The following PLEKHF2 variants were observed in gnomAD, a reference collection of about 807,000 sequenced individuals.
PLEKHF2 encodes the protein pleckstrin homology domain-containing family F member 2.
In PLEKHF2, 4 loss-of-function variants were observed where a neutral mutation model predicts 14.7. The observed-to-expected ratio is 0.27, with a 90% CI of 0.13 to 0.62. The LOEUF is 0.62. PLEKHF2 is among the 20% of genes least tolerant of loss of function. The probability of loss-of-function intolerance (pLI) is 0.85; values close to 1 mark genes in which losing one functional copy is unlikely to be tolerated. For synonymous variants in PLEKHF2, 90 were observed against 103.5 expected (o/e 0.87, Z 0.79); for missense variants, 201 against 307.7 (o/e 0.65, Z 2.60).
intron 1 of PLEKHF2, among the ~76,000 whole-genome samples, chr8:95,136,261 T>G (rs563203871): frequency 6.6e-6 from 1 of 152,168 alleles, no homozygotes; most frequent in South Asian, 2.1e-4. Context: ...CATAGTTAAA[T>G]CTTCTTTGTA....
rs1448947563 is a variant in PLEKHF2, at chr8:95,154,570, C to T, written c.526C>T (p.Arg176Cys). ...ACCTGTTAATCGTCGCCACCATTGC[C>T]GCAAATGTGGTTTTGTTGTCTGTGG... ...FTPVNRRHHC[R>C]KCGFVVCGPC... Residue 176 changes from arginine to cysteine, a missense_variant, in exon 2 of 2, where the codon CGC becomes TGC. By Grantham distance (180) the Arg-to-Cys change is radical. Transcript: ENST00000315367. The surrounding 1 kb of genome is among the most constrained non-coding windows in gnomAD (Gnocchi z 5.6). 2.5e-6 allele frequency: 4 copies of T among 1,614,002 alleles called. No homozygotes were observed. The highest frequency in any genetic ancestry group is 1.6e-4 in the Middle Eastern group (1 of 6,084).
intron 1 of PLEKHF2, among the ~76,000 whole-genome samples, chr8:95,140,657 A>G (rs190499827): frequency 6.6e-6 from 1 of 152,254 alleles, no homozygotes; most frequent in African/African-American, 2.4e-5. Flanking sequence ...CAAACCCCAG[A>G]TAGTTTGAGC....
chr8:95,142,462 C>T (rs1051529218), intron 1 of PLEKHF2, among the ~76,000 whole-genome samples: 1 of 152,160 alleles, frequency 6.6e-6, no homozygotes, highest in Non-Finnish European at 1.5e-5. Flanking sequence ...ACCATGTTGT[C>T]CAGGCTGGTC....
chr8:95,141,484 C>T (rs1810438508), intron 1 of PLEKHF2, among the ~76,000 whole-genome samples: 1 of 151,982 alleles, frequency 6.6e-6, no homozygotes, highest in Non-Finnish European at 1.5e-5. Flanking sequence ...CCTTTTCCCA[C>T]TAAATAACTC....
At position 95,154,287 on chromosome 8, in the gene PLEKHF2, C is replaced by G; in HGVS notation, c.243C>G (p.Pro81=). The G allele has an allele frequency of 6.2e-7, 1 of 1,613,886 alleles. No individual in the cohort carries two copies. The highest frequency in any genetic ancestry group is 1.3e-5 in the African/African-American group (1 of 74,970). Residue 81 remains proline (P), a synonymous_variant, in exon 2 of 2, where the codon CCC becomes CCG. Coordinates refer to ENST00000315367, the MANE Select transcript of PLEKHF2 (RefSeq NM_024613.4). This position sits in a 1 kb window ranked among gnomAD's most constrained non-coding sequence, Gnocchi z 5.6. ...KKKYNKQHII[P]LENVTIDSIK... is the part of the protein sequence containing the mutation. The stretch of plus-strand genomic sequence containing the variant: ...AATATAACAAACAACATATTATTCC[C>G]CTGGAAAATGTCACTATTGATTCCA...
chr8:95,135,918 A>G (rs1810369645), intron 1 of PLEKHF2, among the ~76,000 whole-genome samples: 3 of 152,178 alleles, frequency 2.0e-5, no homozygotes, highest in Admixed American at 2.0e-4. Flanking sequence ...GAGCTGATTT[A>G]CAGGTGATCC....
intron 1 of PLEKHF2, among the ~76,000 whole-genome samples, chr8:95,138,348 CAT>C (rs1246782203): frequency 1.2e-5 from 1 of 85,228 alleles, no homozygotes; most frequent in Non-Finnish European, 2.3e-5. Context: ...CCAACTTCTT[CAT>C]CTTCCCCCCC....
chr8:95,142,616 A>G (rs1810451145), intron 1 of PLEKHF2, among the ~76,000 whole-genome samples: 1 of 152,138 alleles, frequency 6.6e-6, no homozygotes, highest in African/African-American at 2.4e-5. Context: ...CTGCCCCTGT[A>G]CAAATACTTT....
chr8:95,152,213 T>G (rs1810571593), intron 1 of PLEKHF2, among the ~76,000 whole-genome samples: 1 of 152,138 alleles, frequency 6.6e-6, no homozygotes, highest in South Asian at 2.1e-4. Flanking sequence ...TCTCAAGATA[T>G]ATGATTAAGG....
rs1012130767 is a variant in PLEKHF2 at position 95,156,437 on chromosome 8, T to C, written c.*1643T>C. 7.8e-5 allele frequency: 13 copies of C among 167,022 alleles called. No homozygotes were observed. The allele number at this position is 167,022 out of a possible 1,614,324, so 10.3% of individuals were successfully genotyped here. On this transcript the variant is annotated 3_prime_UTR_variant, in exon 2 of 2. Transcript: ENST00000315367. ...CAACAAAACTAGGGTTTTTTGTTCA[T>C]TTGCTTGCTTTTATGATTTTTTTTG...
chr8:95,139,167 A>G (rs913890708), intron 1 of PLEKHF2, among the ~76,000 whole-genome samples: 52 of 151,990 alleles, frequency 3.4e-4, no homozygotes, highest in Non-Finnish European at 1.2e-4. Flanking sequence ...TTCTGTTGGG[A>G]TATTTTCCTC....
At chr8:95,149,834 C>T (rs1361616456) in intron 1 of PLEKHF2, among the ~76,000 whole-genome samples, 1 of 152,166 alleles carries the variant, frequency 6.6e-6, no homozygotes, top group Admixed American at 6.5e-5. Flanking sequence ...TAGCTCTCTT[C>T]TGCTTCCTCC....
intron 1 of PLEKHF2, among the ~76,000 whole-genome samples, chr8:95,135,008 C>CT (rs542397625): frequency 3.3e-5 from 5 of 152,126 alleles, no homozygotes; most frequent in Non-Finnish European, 4.4e-5. Context: ...TGAGCATTTA[C>CT]TTTTTTTAAA....
chr8:95,137,343 G>T (rs1260808529), intron 1 of PLEKHF2, among the ~76,000 whole-genome samples: 1 of 152,230 alleles, frequency 6.6e-6, no homozygotes, highest in Non-Finnish European at 1.5e-5. Context: ...TTAAAGGGAA[G>T]CAGCCTGTAG....
At chr8:95,143,249 G>A (rs1810457142) in intron 1 of PLEKHF2, among the ~76,000 whole-genome samples, 1 of 151,998 alleles carries the variant, frequency 6.6e-6, no homozygotes, top group Non-Finnish European at 1.5e-5. Context: ...CCAGGCGCCC[G>A]CTACCGTGCC....
At chr8:95,150,490 A>T (rs1810545925) in intron 1 of PLEKHF2, among the ~76,000 whole-genome samples, 1 of 152,190 alleles carries the variant, frequency 6.6e-6, no homozygotes, top group Non-Finnish European at 1.5e-5. Context: ...GCAATATAAA[A>T]TGTGTTTATG....
At chr8:95,144,059 C>T (rs145838564) in intron 1 of PLEKHF2, among the ~76,000 whole-genome samples, 49 of 151,196 alleles carry the variant, frequency 3.2e-4, no homozygotes, top group Non-Finnish European at 5.9e-4. Flanking sequence ...TTCTTTAGCT[C>T]ATTAGCTATC....
In PLEKHF2 at chr8:95,154,579, G is replaced by C; in HGVS notation, c.535G>C (p.Gly179Arg). 6.2e-7 allele frequency: 1 copy of C among 1,614,076 alleles called. No individual in the cohort carries two copies. Among genetic ancestry groups the C allele is most frequent in the Non-Finnish European group, 8.5e-7 (1 of 1,179,996 alleles). ...TCGTCGCCACCATTGCCGCAAATGT[G>C]GTTTTGTTGTCTGTGGGCCCTGCTC... ...VNRRHHCRKC[G>R]FVVCGPCSEK... Residue 179 changes from glycine (G) to arginine (R), a missense_variant, in exon 2 of 2, where the codon GGT (glycine) becomes CGT (arginine). By Grantham distance (125) the Gly-to-Arg change is moderately radical. Coordinates refer to ENST00000315367, the MANE Select transcript of PLEKHF2 (RefSeq NM_024613.4). This position sits in a 1 kb window ranked among gnomAD's most constrained non-coding sequence, Gnocchi z 5.6.
chr8:95,143,682 TA>T (rs1476798876), intron 1 of PLEKHF2, among the ~76,000 whole-genome samples: 1 of 152,132 alleles, frequency 6.6e-6, no homozygotes, highest in East Asian at 1.9e-4. Flanking sequence ...CATATTCTGG[TA>T]ATAGCTAGTA....
Sources: allele counts gnomAD v4.1 joint callset (sites outside exome capture counted in the v4.1 genomes callset), GRCh38; gene constraint gnomAD v4.1.1; non-coding constraint Gnocchi (gnomAD v3.1); transcripts MANE v1.5; gene names NCBI Gene and HGNC (gene_info 2026-07-23, HGNC 2026-07-21).